Variants in ARID1A observed in about 807,000 individuals in gnomAD.
The protein encoded by ARID1A is AT-rich interactive domain-containing protein 1A.
A neutral mutation model predicts 212.6 loss-of-function variants in ARID1A; 20 were observed. The ratio of observed to expected loss-of-function variants is 0.09; its 90% confidence interval spans 0.07 to 0.14. The LOEUF (loss-of-function observed/expected upper bound fraction) is 0.14. Ranked by LOEUF, ARID1A falls within the 10% of genes least tolerant of loss-of-function variation. The pLI is 1.00. For missense variants in ARID1A, 2,587 were observed against 3,059.0 expected, an observed-to-expected ratio of 0.85 and a Z score of 3.64; for synonymous variants, 1,376 against 1,222.1, an observed-to-expected ratio of 1.13 and a Z score of -2.63.
intron 1 of ARID1A, among the ~76,000 whole-genome samples, chr1:26,715,014 G>A (rs1019342842): frequency 2.6e-5 from 4 of 152,126 alleles, no homozygotes; most frequent in Non-Finnish European, 5.9e-5. Flanking sequence ...ACCTTCTTTG[G>A]CGGGATATAG....
At position 26,696,751 on chromosome 1, in the gene ARID1A, C is replaced by T. The variant is rs777852637; in HGVS notation, c.348C>T (p.Asn116=). Reference sequence around the variant, plus strand: ...GCCCTAGGCCCGCCCTGAACAATAACCTCACGGAGCCGCCCGGCGGCGGCG... The same window carrying T: ...GCCCTAGGCCCGCCCTGAACAATAATCTCACGGAGCCGCCCGGCGGCGGCG... The part of the protein sequence containing the change: ...NAGPRPALNN[N]LTEPPGGGGG... Residue 116 remains asparagine, a synonymous_variant, in exon 1 of 20, where the codon AAC becomes AAT. Coordinates refer to ENST00000324856, the MANE Select transcript of ARID1A (RefSeq NM_006015.6). 4 of 1,362,818 alleles carry T rather than the reference C, an allele frequency of 2.9e-6. No individual in the cohort carries two copies. Among genetic ancestry groups the T allele is most frequent in the South Asian group, 3.6e-5 (2 of 54,874 alleles). 84.4% of individuals were successfully genotyped at this position (1,362,818 alleles called of 1,614,324 possible).
At chr1:26,768,195 A>G (rs2081055056) in intron 11 of ARID1A, among the ~76,000 whole-genome samples, 196 bp downstream of exon 11, 1 of 152,152 alleles carries the variant, frequency 6.6e-6, no homozygotes. Flanking sequence ...CCCTGGTAGT[A>G]TGAGGTATTA....
At chr1:26,711,476 A>G (rs2080453484) in intron 1 of ARID1A, among the ~76,000 whole-genome samples, 1 of 152,062 alleles carries the variant, frequency 6.6e-6, no homozygotes, top group Admixed American at 6.6e-5. Context: ...TCATGACTTA[A>G]TCTAACCCTA....
intron 4 of ARID1A, among the ~76,000 whole-genome samples, chr1:26,740,322 C>T (rs1051678172): frequency 2.6e-5 from 4 of 152,160 alleles, no homozygotes; most frequent in Non-Finnish European, 1.5e-5. Flanking sequence ...GTAAAATAGA[C>T]ATAAAACAGA....
intron 19 of ARID1A, among the ~76,000 whole-genome samples, chr1:26,777,393 A>ATTTT (rs773418013): frequency 2.9e-5 from 4 of 136,348 alleles, no homozygotes; most frequent in African/African-American, 1.1e-4. Flanking sequence ...TGCTCAGCTA[A>ATTTT]TTTTTTTTTT....
Position 26,781,790 on chromosome 1 carries a change from G to C in ARID1A, c.*1034G>C. On this transcript the variant is annotated 3_prime_UTR_variant, in exon 20 of 20. Coordinates refer to ENST00000324856, the MANE Select transcript of ARID1A (RefSeq NM_006015.6). ...TTGGTGCGATGCTGTACAGGTCTCTGTAAAAAGTCCTTGCTGTCTCAGCAG... is the reference window on the plus strand; with the variant it reads ...TTGGTGCGATGCTGTACAGGTCTCTCTAAAAAGTCCTTGCTGTCTCAGCAG... 1 of 233,710 alleles carries C rather than the reference G, an allele frequency of 4.3e-6. No homozygotes were observed. 14.5% of individuals were successfully genotyped at this position (233,710 alleles called of 1,614,324 possible).
In ARID1A at chr1:26,781,769, T is replaced by C. The variant is rs943634804; in HGVS notation, c.*1013T>C. On this transcript the variant is annotated 3_prime_UTR_variant, in exon 20 of 20. Transcript: ENST00000324856. ...TCTTGCCAGATATCGCCCCTCTTGG[T>C]GCGATGCTGTACAGGTCTCTGTAAA... The C allele has an allele frequency of 1.3e-5, 3 of 233,630 alleles. No individual in the cohort carries two copies. The highest frequency in any genetic ancestry group is 2.5e-5 in the Non-Finnish European group (3 of 118,064). 14.5% of individuals were successfully genotyped at this position (233,630 alleles called of 1,614,324 possible). A position where few individuals can be genotyped will look rare whatever the true frequency, so the allele number is the denominator to read the frequency against.
chr1:26,747,214 C>T (rs578091938), intron 4 of ARID1A, among the ~76,000 whole-genome samples: 1 of 152,214 alleles, frequency 6.6e-6, no homozygotes, highest in Non-Finnish European at 1.5e-5. Flanking sequence ...CCTAATCCCC[C>T]TACTCGATGG....
rs200100817 is a variant in ARID1A, at chr1:26,762,140, A to G, written c.2252-12A>G. On this transcript the variant is annotated splice_polypyrimidine_tract_variant and intron_variant, in intron 6 of 19. Transcript: ENST00000324856. ...TAAAGCTAATAACTATATGGATGCT[A>G]CCCACAAATAGGTTATATGCAGAGG... 5.6e-6 allele frequency: 9 copies of G among 1,607,932 alleles called. No homozygotes were observed. Among genetic ancestry groups the G allele is most frequent in the African/African-American group, 1.3e-5 (1 of 74,834 alleles).
intron 1 of ARID1A, among the ~76,000 whole-genome samples, chr1:26,706,036 C>G (rs1475061454): frequency 1.3e-5 from 2 of 152,144 alleles, no homozygotes; most frequent in Admixed American, 6.5e-5. Flanking sequence ...TTGTCACCCT[C>G]CAGGAAGTTA....
chr1:26,768,300 G>C (rs537504150), intron 11 of ARID1A, among the ~76,000 whole-genome samples: 1 of 152,344 alleles, frequency 6.6e-6, no homozygotes, highest in African/African-American at 2.4e-5. Context: ...ATTTGGCATA[G>C]TAGCAAAGAC....
At chr1:26,711,220 T>G (rs2080450689) in intron 1 of ARID1A, among the ~76,000 whole-genome samples, 1 of 152,074 alleles carries the variant, frequency 6.6e-6, no homozygotes, top group Non-Finnish European at 1.5e-5. Context: ...GCAATTTTCC[T>G]GCCTCAGCCT....
chr1:26,696,127 G>A lies in ARID1A; in HGVS notation c.-277G>A. On this transcript the variant is annotated 5_prime_UTR_variant, in exon 1 of 20. Coordinates refer to ENST00000324856, the MANE Select transcript of ARID1A (RefSeq NM_006015.6). ...CAAGGGCTTGGGGGGAATGAGCCGGGAGAGCCGGGTCCCGAGCCTACAGAG... is the reference window on the plus strand; with the variant it reads ...CAAGGGCTTGGGGGGAATGAGCCGGAAGAGCCGGGTCCCGAGCCTACAGAG... 1 of 476,472 alleles carries A rather than the reference G, an allele frequency of 2.1e-6. No homozygotes were observed. 29.5% of individuals were successfully genotyped at this position (476,472 alleles called of 1,614,324 possible).
At chr1:26,767,510 T>G (rs575172916) in intron 10 of ARID1A, among the ~76,000 whole-genome samples, 6 of 152,338 alleles carry the variant, frequency 3.9e-5, no homozygotes, top group Non-Finnish European at 7.4e-5. Flanking sequence ...GCCTGCTTCC[T>G]TATCTTTACA....
chr1:26,762,986 G>A lies in ARID1A; in HGVS notation c.2433G>A (p.Arg811=), dbSNP rs145892648. 2 of 1,586,308 alleles carry A rather than the reference G, an allele frequency of 1.3e-6. No homozygotes were observed. The highest frequency in any genetic ancestry group is 1.3e-5 in the African/African-American group (1 of 74,618). ...CTCCCCTCCCAGGTGGCTACCCCAG[G>A]CAGCCAAACTATAATGCCTTGCCCA... is the stretch of plus-strand genomic sequence containing the variant. ...GQYGPQGGYP[R]QPNYNALPNA... is the part of the protein sequence containing the mutation. Residue 811 remains arginine, a synonymous_variant, in exon 8 of 20, where the codon AGG becomes AGA. Transcript: ENST00000324856.
intron 4 of ARID1A, among the ~76,000 whole-genome samples, chr1:26,745,995 G>A (rs560261821): frequency 1.3e-5 from 2 of 152,050 alleles, no homozygotes; most frequent in African/African-American, 4.8e-5. Context: ...AGGTTGCGGT[G>A]AGTCAAGATT....
chr1:26,752,522 T>G (rs910287421), intron 4 of ARID1A, among the ~76,000 whole-genome samples: 4 of 152,224 alleles, frequency 2.6e-5, no homozygotes, highest in Admixed American at 1.3e-4. Flanking sequence ...TAAGGAAGGT[T>G]TTATGAAAAG....
At chr1:26,760,805 GAATCTT>G (rs779081785) in intron 4 of ARID1A, 45 bp from the exon 5 acceptor site, 1 of 1,546,218 alleles carries the variant, frequency 6.5e-7, no homozygotes, top group South Asian at 1.1e-5. Flanking sequence ...ATTGAAAGTA[GAATCTT>G]TCTGCCTAAT....
At chr1:26,721,453 C>T (rs1436094277) in intron 1 of ARID1A, among the ~76,000 whole-genome samples, 4 of 152,320 alleles carry the variant, frequency 2.6e-5, no homozygotes, top group East Asian at 1.9e-4. Flanking sequence ...CCGCCCTCCT[C>T]GGCCTCCCAA....
Sources: gnomAD v4.1 joint callset for allele counts (sites outside exome capture counted in the v4.1 genomes callset) on GRCh38, gnomAD v4.1.1 for gene constraint, MANE v1.5 for transcripts, NCBI Gene and HGNC (gene_info 2026-07-23, HGNC 2026-07-21) for gene names.